ARHGEF38: variants seen among roughly 807,000 people sequenced by gnomAD.
The protein encoded by ARHGEF38 is Rho guanine nucleotide exchange factor 38, also known as Rho guanine nucleotide exchange factor (GEF) 38.
ARHGEF38 carries 79 observed loss-of-function variants against 79.9 expected under a neutral mutation model. The observed-to-expected ratio is 0.99, with a 90% CI of 0.82 to 1.19. The LOEUF (loss-of-function observed/expected upper bound fraction) is 1.19. Among genes scored for constraint, ARHGEF38 ranks in the 50% most tolerant of loss-of-function variants. The pLI, the probability that ARHGEF38 is intolerant of heterozygous loss-of-function variation, is 0.00. For missense variants in ARHGEF38, 962 were observed against 907.2 expected (o/e 1.06, Z -0.78); for synonymous variants, 366 against 328.3 (o/e 1.11, Z -1.24).
intron 1 of ARHGEF38, among the ~76,000 whole-genome samples, chr4:105,585,539 C>T (rs1726992164): frequency 6.6e-6 from 1 of 152,052 alleles, no homozygotes; most frequent in Non-Finnish European, 1.5e-5. Flanking sequence ...GAAAGAAATA[C>T]AGAGTGAAGT....
At chr4:105,558,225 A>T (rs1035187363) in intron 1 of ARHGEF38, among the ~76,000 whole-genome samples, 1 of 152,208 alleles carries the variant, frequency 6.6e-6, no homozygotes, top group African/African-American at 2.4e-5. Flanking sequence ...CTATGAGGGC[A>T]TTTAATTTAA....
intron 6 of ARHGEF38, among the ~76,000 whole-genome samples, chr4:105,645,733 G>A (rs1729812039): frequency 6.6e-6 from 1 of 152,172 alleles, no homozygotes; most frequent in South Asian, 2.1e-4. Flanking sequence ...TGGCCACGTT[G>A]CAATAGCAGT....
intron 1 of ARHGEF38, among the ~76,000 whole-genome samples, chr4:105,574,471 C>A (rs1169890925): frequency 6.6e-6 from 1 of 151,302 alleles, no homozygotes; most frequent in Non-Finnish European, 1.5e-5. Context: ...AATCGCTTGA[C>A]CCCAGGTGGC....
chr4:105,569,165 TG>T (rs1726094042), intron 1 of ARHGEF38, among the ~76,000 whole-genome samples: 1 of 152,218 alleles, frequency 6.6e-6, no homozygotes, highest in Admixed American at 6.5e-5. Context: ...CCATTAAACT[TG>T]TTTGAGAAGC....
chr4:105,592,645 A>G (rs1231535516), intron 2 of ARHGEF38, among the ~76,000 whole-genome samples: 3 of 152,128 alleles, frequency 2.0e-5, no homozygotes, highest in Non-Finnish European at 4.4e-5. Context: ...TTAATCTCTT[A>G]TAAAATTCAT....
At chr4:105,592,634 A>T (rs966265751) in intron 2 of ARHGEF38, among the ~76,000 whole-genome samples, 2 of 152,112 alleles carry the variant, frequency 1.3e-5, no homozygotes, top group African/African-American at 4.8e-5. Context: ...GTGCAGCAGA[A>T]TTAATCTCTT....
At chr4:105,629,617 C>T (rs1729097588) in intron 3 of ARHGEF38, among the ~76,000 whole-genome samples, 1 of 118,660 alleles carries the variant, frequency 8.4e-6, no homozygotes, top group Non-Finnish European at 1.7e-5. Flanking sequence ...GAGAGCTGAC[C>T]CTGTCACATA....
At chr4:105,555,458 C>T (rs1560679495) in intron 1 of ARHGEF38, among the ~76,000 whole-genome samples, 2 of 152,072 alleles carry the variant, frequency 1.3e-5, no homozygotes, top group Non-Finnish European at 2.9e-5. Context: ...CTGGCCTGTA[C>T]GATACCCATT....
At chr4:105,619,232 A>G (rs1404213147) in intron 3 of ARHGEF38, among the ~76,000 whole-genome samples, 3 of 151,754 alleles carry the variant, frequency 2.0e-5, no homozygotes, top group South Asian at 4.2e-4. Context: ...AGGCAAAATG[A>G]TGTTCTACAA....
intron 5 of ARHGEF38, among the ~76,000 whole-genome samples, chr4:105,640,551 C>G (rs748816875): frequency 3.0e-4 from 45 of 152,254 alleles, no homozygotes; most frequent in Admixed American, 1.5e-3. Context: ...GTGCAGCCAT[C>G]TTGTAGGAAT....
chr4:105,596,221 C>A (rs539169259), intron 2 of ARHGEF38, among the ~76,000 whole-genome samples: 1 of 152,136 alleles, frequency 6.6e-6, no homozygotes, highest in South Asian at 2.1e-4. Context: ...CCCTCAGGGT[C>A]CAAAGTGGGT....
intron 1 of ARHGEF38, among the ~76,000 whole-genome samples, chr4:105,579,034 A>G (rs756239136): frequency 6.6e-6 from 1 of 152,152 alleles, no homozygotes. Flanking sequence ...ATTTTGGTGC[A>G]TATCAAGCCT....
chr4:105,622,193 G>A (rs946567730), intron 3 of ARHGEF38, among the ~76,000 whole-genome samples: 1 of 152,180 alleles, frequency 6.6e-6, no homozygotes, highest in African/African-American at 2.4e-5. Context: ...AGGATGCTAT[G>A]CTGATGGAGC....
chr4:105,613,012 C>T (rs929485251), intron 2 of ARHGEF38, among the ~76,000 whole-genome samples: 3 of 152,064 alleles, frequency 2.0e-5, no homozygotes, highest in Non-Finnish European at 2.9e-5. Context: ...TTACTTGCCT[C>T]GGGTAAGGTC....
intron 5 of ARHGEF38, among the ~76,000 whole-genome samples, chr4:105,637,265 A>G (rs1044640182): frequency 1.8e-4 from 28 of 152,162 alleles, no homozygotes; most frequent in Admixed American, 1.2e-3. Context: ...GCAGAGCAAC[A>G]GTGAGAACGG....
chr4:105,680,775 A>T lies in ARHGEF38; in HGVS notation c.*2838A>T, dbSNP rs1362012671. 1.3e-5 allele frequency: 2 copies of T among 150,258 alleles called. No homozygotes were observed. The highest frequency in any genetic ancestry group is 2.5e-5 in the African/African-American group (1 of 40,384). The allele number at this position is 150,258 out of a possible 1,614,324, so 9.3% of individuals were successfully genotyped here. A position where few individuals can be genotyped will look rare whatever the true frequency, so the allele number is the denominator to read the frequency against. On this transcript the variant is annotated 3_prime_UTR_variant, in exon 14 of 14. Transcript: ENST00000420470. ...TGAAAGATAAATTACCTCCTAAACT[A>T]AAGTCCCCTCTGAGGTACAACAGAA...
intron 2 of ARHGEF38, among the ~76,000 whole-genome samples, chr4:105,609,540 T>C (rs1728195982): frequency 6.6e-6 from 1 of 152,046 alleles, no homozygotes; most frequent in South Asian, 2.1e-4. Context: ...CCTAAAGCAA[T>C]CTATAGACTA....
chr4:105,576,126 T>C (rs1351368582), intron 1 of ARHGEF38, among the ~76,000 whole-genome samples: 2 of 152,090 alleles, frequency 1.3e-5, no homozygotes, highest in African/African-American at 4.8e-5. Context: ...CTTTAGTTAT[T>C]TGGGGGCTTT....
At chr4:105,607,040 G>A (rs181473295) in intron 2 of ARHGEF38, among the ~76,000 whole-genome samples, 1 of 152,162 alleles carries the variant, frequency 6.6e-6, no homozygotes, top group East Asian at 1.9e-4. Context: ...AGAGATGTTA[G>A]TGGTTGGGGG....
Sources: gnomAD v4.1 joint callset for allele counts (sites outside exome capture counted in the v4.1 genomes callset) on GRCh38, gnomAD v4.1.1 for gene constraint, MANE v1.5 for transcripts, NCBI Gene and HGNC (gene_info 2026-07-23, HGNC 2026-07-21) for gene names.